The following PTDSS1 variants were observed in gnomAD, a reference collection of about 807,000 sequenced individuals.
PTDSS1 encodes the protein phosphatidylserine synthase 1, also known as PSS-1.
Under a neutral mutation model 70.5 loss-of-function variants are expected in PTDSS1, and 45 were observed. The ratio of observed to expected loss-of-function variants is 0.64; its 90% confidence interval spans 0.50 to 0.82. The LOEUF is 0.82. Ranked by LOEUF, PTDSS1 falls within the 40% of genes least tolerant of loss-of-function variation. The pLI is 0.00. For missense variants in PTDSS1, 417 were observed against 586.1 expected (o/e 0.71, Z 2.98); for synonymous variants, 188 against 203.8 (o/e 0.92, Z 0.66).
At chr8:96,309,307 G>A (rs1811172337) in intron 8 of PTDSS1, 3 of 268,894 alleles carry the variant, frequency 1.1e-5, no homozygotes, top group Non-Finnish European at 2.1e-5. Context: ...TAAACACCCC[G>A]GCACTCAGAC....
At chr8:96,286,918 A>G (rs139890582) in intron 3 of PTDSS1, 104 bp from the exon 4 acceptor site, 33,925 of 1,419,716 alleles carry the variant, frequency 0.024, 484 homozygotes, top group Middle Eastern at 0.034. Flanking sequence ...CTGTGCTGCA[A>G]TCTTAGTGTC....
chr8:96,272,857 C>G (rs1810586006), intron 1 of PTDSS1, among the ~76,000 whole-genome samples: 1 of 152,126 alleles, frequency 6.6e-6, no homozygotes, highest in Admixed American at 6.5e-5. Flanking sequence ...CAGTGTGCAG[C>G]CATTCTTAAG....
chr8:96,333,476 C>G lies in PTDSS1; in HGVS notation c.1332C>G (p.Pro444=), dbSNP rs1168073961. 6.2e-7 allele frequency: 1 copy of G among 1,613,830 alleles called. No homozygotes were observed. Among genetic ancestry groups the G allele is most frequent in the South Asian group, 1.1e-5 (1 of 91,068 alleles). The change falls in exon 13 of 13, where the codon CCC becomes CCG. Residue 444 remains proline, a synonymous_variant. Transcript: ENST00000517309. ...KGTKGSEDSP[P]KHAGNNESHS... ...GGCCAGGTTCTGAAGACAGCCCACCCAAGCATGCAGGCAACAACGAAAGCC... is the reference window on the plus strand; with the variant it reads ...GGCCAGGTTCTGAAGACAGCCCACCGAAGCATGCAGGCAACAACGAAAGCC...
intron 9 of PTDSS1, among the ~76,000 whole-genome samples, chr8:96,312,399 C>T (rs1030489123): frequency 2.0e-5 from 3 of 151,316 alleles, no homozygotes; most frequent in African/African-American, 7.3e-5. Context: ...GTCAAGCCTG[C>T]ATTGAGCTAT....
intron 2 of PTDSS1, among the ~76,000 whole-genome samples, chr8:96,279,712 A>C (rs1260449628): frequency 5.3e-5 from 8 of 151,936 alleles, no homozygotes; most frequent in Non-Finnish European, 4.4e-5. Flanking sequence ...CCAGCTACTC[A>C]GGAGGCTGAG....
chr8:96,273,261 C>A, intron 1 of PTDSS1, 38 bp from the exon 2 acceptor site: 3 of 1,462,392 alleles, frequency 2.1e-6, no homozygotes, highest in Non-Finnish European at 2.8e-6. Flanking sequence ...CTATTTGGAT[C>A]TGAAAGTAAA....
chr8:96,295,547 A>G (rs1810962893), intron 5 of PTDSS1, among the ~76,000 whole-genome samples: 1 of 152,218 alleles, frequency 6.6e-6, no homozygotes, highest in Admixed American at 6.5e-5. Flanking sequence ...AAGACAAATA[A>G]ATGGGAATGA....
intron 8 of PTDSS1, among the ~76,000 whole-genome samples, chr8:96,308,204 A>G (rs927500935): frequency 5.9e-5 from 9 of 152,222 alleles, no homozygotes; most frequent in Non-Finnish European, 1.0e-4. Context: ...AAGATATTTG[A>G]GTGAACATGC....
In PTDSS1 at chr8:96,284,116, C is replaced by T; in HGVS notation, c.279C>T (p.Phe93=). 2.5e-6 allele frequency: 4 copies of T among 1,609,642 alleles called. No individual in the cohort carries two copies. Among genetic ancestry groups the T allele is most frequent in the Non-Finnish European group, 3.4e-6 (4 of 1,176,474 alleles). The stretch of plus-strand genomic sequence containing the variant: ...AATGTTATTTATCTGCAGGTCCGTT[C>T]ACTCGACCTCATCCAGCCTTATGGC... The part of the protein sequence containing the change: ...ISVLAFPNGP[F]TRPHPALWRM... The change falls in exon 3 of 13, where the codon TTC becomes TTT. Residue 93 remains phenylalanine (F), a synonymous_variant. Transcript: ENST00000517309.
At chr8:96,284,043 G>A in intron 2 of PTDSS1, 66 bp from the exon 3 acceptor site, 1 of 1,305,594 alleles carries the variant, frequency 7.7e-7, no homozygotes, top group Non-Finnish European at 1.1e-6. Context: ...GAGATCAGCA[G>A]CACCTTAAGT....
chr8:96,303,995 CT>C (rs776019030), intron 6 of PTDSS1, 44 bp from the exon 7 acceptor site: 1 of 1,558,144 alleles, frequency 6.4e-7, no homozygotes, highest in South Asian at 1.2e-5. Context: ...TGTTTTCCCC[CT>C]GCCTTATCTC....
chr8:96,313,350 T>TC (rs1395725495), intron 9 of PTDSS1, among the ~76,000 whole-genome samples: 1 of 152,106 alleles, frequency 6.6e-6, no homozygotes, highest in Admixed American at 6.5e-5. Context: ...TGTGGAAAGG[T>TC]CGGCTGTTTC....
At chr8:96,302,436 G>T (rs1197960074) in intron 6 of PTDSS1, among the ~76,000 whole-genome samples, 2 of 152,174 alleles carry the variant, frequency 1.3e-5, no homozygotes, top group Non-Finnish European at 1.5e-5. Context: ...TTTGAGCCTT[G>T]AATCAGTCCT....
At chr8:96,305,457 G>C (rs1215424705) in intron 7 of PTDSS1, among the ~76,000 whole-genome samples, 1 of 152,120 alleles carries the variant, frequency 6.6e-6, no homozygotes, top group Admixed American at 6.5e-5. Context: ...CTGGGCTCTA[G>C]GCAGAGAGCA....
chr8:96,320,459 AAG>A (rs1811359256), intron 10 of PTDSS1, 114 bp downstream of exon 10: 1 of 917,526 alleles, frequency 1.1e-6, no homozygotes, highest in Non-Finnish European at 1.7e-6. Flanking sequence ...AATTCATAAA[AAG>A]ATGTTCTACT....
At position 96,305,213 on chromosome 8, in the gene PTDSS1, A is replaced by G. The variant is rs576470429; in HGVS notation, c.894+1032A>G. On this transcript the variant is annotated intron_variant, in intron 7 of 12. Transcript: ENST00000517309. ...AGTATAGTGCCGTTAGGATGGAACC[A>G]CCTGGTGGTATGCGATGGAGCACAC... 3.6e-3 allele frequency among the ~76,000 whole-genome samples: 542 copies of G among 152,330 alleles called. 3 individuals carry two copies. The highest frequency in any genetic ancestry group is 6.3e-3 in the Non-Finnish European group (426 of 68,024).
In PTDSS1 at chr8:96,335,877, G is replaced by A. The variant is rs1186975590; in HGVS notation, c.*2311G>A. On this transcript the variant is annotated 3_prime_UTR_variant, in exon 13 of 13. Coordinates refer to ENST00000517309, the MANE Select transcript of PTDSS1 (RefSeq NM_014754.3). ...GTTTCAGAATCATCATTCAATATCT[G>A]AAATGATTTGATTGTAAATTATCTC... is the stretch of plus-strand genomic sequence containing the variant. 1.3e-5 allele frequency: 2 copies of A among 152,138 alleles called. No individual in the cohort carries two copies. Among genetic ancestry groups the A allele is most frequent in the African/African-American group, 4.8e-5 (2 of 41,432 alleles). The allele number at this position is 152,138 out of a possible 1,614,324, so 9.4% of individuals were successfully genotyped here. A position where few individuals can be genotyped will look rare whatever the true frequency, so the allele number is the denominator to read the frequency against.
chr8:96,274,601 T>C (rs929499875), intron 2 of PTDSS1, among the ~76,000 whole-genome samples: 8 of 152,176 alleles, frequency 5.3e-5, no homozygotes, highest in African/African-American at 1.9e-4. Context: ...GGTGCGTGCC[T>C]GTAATCCCAG....
At chr8:96,316,946 A>C (rs1341637780) in intron 9 of PTDSS1, among the ~76,000 whole-genome samples, 4 of 151,980 alleles carry the variant, frequency 2.6e-5, no homozygotes, top group African/African-American at 9.7e-5. Flanking sequence ...GTGAGCTGAG[A>C]TTGCACCACT....
Sources: allele counts gnomAD v4.1 joint callset (sites outside exome capture counted in the v4.1 genomes callset), GRCh38; gene constraint gnomAD v4.1.1; transcripts MANE v1.5; gene names NCBI Gene and HGNC (gene_info 2026-07-23, HGNC 2026-07-21).